The following THOP1 variants were observed in gnomAD, a reference collection of about 807,000 sequenced individuals.
THOP1 encodes the protein thimet oligopeptidase 1.
THOP1 carries 49 observed loss-of-function variants against 71.8 expected under a neutral mutation model. That is an observed-to-expected ratio of 0.68 (90% CI 0.54 to 0.87). The LOEUF is 0.87. Ranked by LOEUF, THOP1 falls within the 40% of genes least tolerant of loss-of-function variation. The pLI is 0.00. For synonymous variants in THOP1, 426 were observed against 421.5 expected, an observed-to-expected ratio of 1.01 and a Z score of -0.13; for missense variants, 843 against 975.6, an observed-to-expected ratio of 0.86 and a Z score of 1.81.
At chr19:2,810,237 G>C (rs893184345) in intron 9 of THOP1, 67 bp from the exon 10 acceptor site, 4 of 1,547,844 alleles carry the variant, frequency 2.6e-6, no homozygotes, top group African/African-American at 1.4e-5. Flanking sequence ...CAGCTGACAC[G>C]GGCCAGGCCG....
At chr19:2,787,659 G>T (rs117879050) in intron 1 of THOP1, among the ~76,000 whole-genome samples, 1 of 152,194 alleles carries the variant, frequency 6.6e-6, no homozygotes. Flanking sequence ...TCAACTGACC[G>T]ACTGAGAGCC....
rs560477052 is a variant in THOP1 at position 2,812,254 on chromosome 19, C to G, written c.1908+520C>G. 25 of 1,535,070 alleles carry G rather than the reference C, an allele frequency of 1.6e-5. No individual in the cohort carries two copies. In the East Asian group the frequency reaches 5.4e-4, roughly 33 times the overall value. ...CATGTGAGCCTGTGCCTCCCGCTGA[C>G]TTGGTGTGACCCAGGCTCGGGACAG... is the stretch of plus-strand genomic sequence containing the variant. On this transcript the variant is annotated intron_variant, in intron 12 of 12. Coordinates refer to ENST00000307741, the MANE Select transcript of THOP1 (RefSeq NM_003249.5).
At chr19:2,812,402 G>A (rs1189185501) in intron 12 of THOP1, 9 of 1,488,648 alleles carry the variant, frequency 6.0e-6, no homozygotes, top group Non-Finnish European at 3.6e-6. Context: ...CAGGCACTCA[G>A]CTGCTCCCTT....
chr19:2,785,577 C>A lies in THOP1; in HGVS notation c.-86C>A. 1 of 1,436,260 alleles carries A rather than the reference C, an allele frequency of 7.0e-7. No individual in the cohort carries two copies. Among genetic ancestry groups the A allele is most frequent in the Non-Finnish European group, 9.2e-7 (1 of 1,084,174 alleles). The allele number at this position is 1,436,260 out of a possible 1,614,324, so 89.0% of individuals were successfully genotyped here. ...GTGGCGGCGGTGGCGGCGGTTGGGCCGAGGCAGGCGGCCTCAGTGGCCGAG... is the reference window on the plus strand; with the variant it reads ...GTGGCGGCGGTGGCGGCGGTTGGGCAGAGGCAGGCGGCCTCAGTGGCCGAG... On this transcript the variant is annotated 5_prime_UTR_variant, in exon 1 of 13. Coordinates refer to ENST00000307741, the MANE Select transcript of THOP1 (RefSeq NM_003249.5).
At chr19:2,789,101 T>G (rs952264741) in intron 1 of THOP1, among the ~76,000 whole-genome samples, 2 of 152,186 alleles carry the variant, frequency 1.3e-5, no homozygotes, top group Non-Finnish European at 2.9e-5. Context: ...CTGAAGATGA[T>G]TTTTGGATGA....
rs368808227 is a variant in THOP1, at chr19:2,808,295, C to A, written c.1306C>A (p.Arg436=). Residue 436 remains arginine, a synonymous_variant, in exon 9 of 13, where the codon CGG becomes AGG. Transcript: ENST00000307741. ...CTTTGGCCTGCAGCCCGGCTGCCTG[C>A]GGCAGGATGGGAGCCGCCAGATCGC... ...ACFGLQPGCL[R]QDGSRQIAIA... 6.4e-7 allele frequency: 1 copy of A among 1,570,372 alleles called. No homozygotes were observed. Among genetic ancestry groups the A allele is most frequent in the Non-Finnish European group, 8.6e-7 (1 of 1,158,132 alleles).
At chr19:2,802,846 C>T (rs10413654) in intron 5 of THOP1, among the ~76,000 whole-genome samples, 2,490 of 152,336 alleles carry the variant, frequency 0.016, 68 homozygotes, top group African/African-American at 0.057. Flanking sequence ...CATGAGGCTT[C>T]TGTCTTATTC....
rs574125027 is a variant in THOP1 at position 2,801,498 on chromosome 19, T to C, written c.589+1707T>C. ...ACCGTCATGCGGGTGGCTAGCGTGT[T>C]GGGTGACAGTCTCCAGGGCTGTCCG... On this transcript the variant is annotated intron_variant, in intron 5 of 12. Transcript: ENST00000307741. This position sits in a 1 kb window ranked among gnomAD's most constrained non-coding sequence, Gnocchi z 5.1. 6.6e-6 allele frequency among the ~76,000 whole-genome samples: 1 copy of C among 152,268 alleles called. No homozygotes were observed. The highest frequency in any genetic ancestry group is 1.9e-4 in the East Asian group (1 of 5,178).
At chr19:2,786,515 G>T (rs1241716891) in intron 1 of THOP1, among the ~76,000 whole-genome samples, 1 of 152,092 alleles carries the variant, frequency 6.6e-6, no homozygotes, top group Non-Finnish European at 1.5e-5. Flanking sequence ...TGGGATTACA[G>T]ACATGAGCCA....
rs1300467217 is a variant in THOP1, at chr19:2,805,990, G to T, written c.750+814G>T. ...ATGGGCGGGTGCCCATCACTGCGGG[G>T]GGTGGGGGACGGGTGGGTACCAATG... is the stretch of plus-strand genomic sequence containing the variant. On this transcript the variant is annotated intron_variant, in intron 6 of 12. Coordinates refer to ENST00000307741, the MANE Select transcript of THOP1 (RefSeq NM_003249.5). This position sits in a 1 kb window ranked among gnomAD's most constrained non-coding sequence, Gnocchi z 6.6. The T allele has an allele frequency of 6.8e-6, 1 of 147,886 alleles. No homozygotes were observed. Among genetic ancestry groups the T allele is most frequent in the Non-Finnish European group, 1.5e-5 (1 of 66,548 alleles). 9.2% of individuals were successfully genotyped at this position (147,886 alleles called of 1,614,324 possible).
intron 2 of THOP1, among the ~76,000 whole-genome samples, chr19:2,793,358 C>G (rs1478478653): frequency 6.6e-6 from 1 of 152,150 alleles, no homozygotes; most frequent in Non-Finnish European, 1.5e-5. Context: ...GCGTCCCCTC[C>G]TGTCTCTGTG....
rs568883014 is a variant in THOP1, at chr19:2,797,721, A to G, written c.486+1533A>G. 1.3e-3 allele frequency among the ~76,000 whole-genome samples: 203 copies of G among 152,322 alleles called. 1 individual carries two copies. The highest frequency in any genetic ancestry group is 4.5e-3 in the African/African-American group (187 of 41,554). ...CACAACTCACGATGGGATTATTGGG[A>G]CATACCCCTGTCCTAAGTCAGGGAG... On this transcript the variant is annotated intron_variant, in intron 4 of 12. Transcript: ENST00000307741.
intron 6 of THOP1, chr19:2,806,439 C>G (rs1303206463): frequency 5.3e-6 from 1 of 189,306 alleles, no homozygotes; most frequent in African/African-American, 2.4e-5. Context: ...CACATCTGTC[C>G]TGAACAGGCC....
chr19:2,810,760 C>T lies in THOP1; in HGVS notation c.1763C>T (p.Ala588Val). The T allele has an allele frequency of 1.2e-6, 2 of 1,602,624 alleles. No homozygotes were observed. The highest frequency in any genetic ancestry group is 8.5e-7 in the Non-Finnish European group (1 of 1,176,874). ...RLCQEILGVP[A>V]TPGTNMPATF... is the part of the protein sequence containing the mutation. ...TGCCAGGAGATCCTCGGGGTCCCGG[C>T]CACGCCAGGTAGCCACCCTTGAGCC... is the stretch of plus-strand genomic sequence containing the variant. Residue 588 changes from alanine (A) to valine (V), a missense_variant, in exon 11 of 13, where the codon GCC becomes GTC. Transcript: ENST00000307741.
chr19:2,796,804 T>G (rs1916026065), intron 4 of THOP1, among the ~76,000 whole-genome samples: 1 of 152,142 alleles, frequency 6.6e-6, no homozygotes, highest in African/African-American at 2.4e-5. Flanking sequence ...GGACCTGAAC[T>G]CTGGCAAGGC....
Position 2,813,464 on chromosome 19 carries a change from C to A in THOP1, c.*188C>A. ...CCCACCCGGCTAGAGACGGCGTCCT[C>A]AAGGCATCTGGAGGGCTTTCGTGGC... On this transcript the variant is annotated 3_prime_UTR_variant, in exon 13 of 13. Coordinates refer to ENST00000307741, the MANE Select transcript of THOP1 (RefSeq NM_003249.5). 1 of 703,800 alleles carries A rather than the reference C, an allele frequency of 1.4e-6. No individual in the cohort carries two copies. The highest frequency in any genetic ancestry group is 2.3e-6 in the Non-Finnish European group (1 of 444,252). The allele number at this position is 703,800 out of a possible 1,614,324, so 43.6% of individuals were successfully genotyped here.
chr19:2,805,291 C>G lies in THOP1; in HGVS notation c.750+115C>G. 7.7e-7 allele frequency: 1 copy of G among 1,291,284 alleles called. No individual in the cohort carries two copies. The highest frequency in any genetic ancestry group is 1.0e-6 in the Non-Finnish European group (1 of 959,462). 80.0% of individuals were successfully genotyped at this position (1,291,284 alleles called of 1,614,324 possible). ...TTGCACTTGGATGGCCTCCCAATCT[C>G]CCTGGCCAGGCCCAGTGGCCAGCAG... On this transcript the variant is annotated intron_variant, in intron 6 of 12. Coordinates refer to ENST00000307741, the MANE Select transcript of THOP1 (RefSeq NM_003249.5). This position sits in a 1 kb window ranked among gnomAD's most constrained non-coding sequence, Gnocchi z 6.6.
At chr19:2,795,799 C>T (rs890518896) in intron 3 of THOP1, among the ~76,000 whole-genome samples, 2 of 152,188 alleles carry the variant, frequency 1.3e-5, no homozygotes, top group East Asian at 3.8e-4. Context: ...ATCTACACCC[C>T]GATACCGACC....
At chr19:2,796,228 G>T in intron 4 of THOP1, 40 bp downstream of exon 4, 1 of 1,509,566 alleles carries the variant, frequency 6.6e-7, no homozygotes, top group Non-Finnish European at 9.1e-7. Context: ...GTGGGCAATG[G>T]TCGATCCCGG....
Sources: allele counts gnomAD v4.1 joint callset (sites outside exome capture counted in the v4.1 genomes callset), GRCh38; gene constraint gnomAD v4.1.1; non-coding constraint Gnocchi (gnomAD v3.1); transcripts MANE v1.5; gene names NCBI Gene and HGNC (gene_info 2026-07-23, HGNC 2026-07-21).